The following NTM variants were observed in gnomAD, a reference collection of about 807,000 sequenced individuals.
NTM encodes IgLON family member 2.
In NTM, 13 loss-of-function variants were observed where a neutral mutation model predicts 42.1. That is an observed-to-expected ratio of 0.31 (90% CI 0.20 to 0.49). The LOEUF is 0.49. Among genes scored for constraint, NTM ranks in the 20% least tolerant of loss-of-function variants. The pLI, the probability that NTM is intolerant of heterozygous loss-of-function variation, is 0.99. For synonymous variants in NTM, 187 were observed against 179.2 expected (o/e 1.04, Z -0.35); for missense variants, 373 against 452.8 (o/e 0.82, Z 1.60).
chr11:131,916,907 C>G (rs1237061207), intron 2 of NTM, among the ~76,000 whole-genome samples: 1 of 152,206 alleles, frequency 6.6e-6, no homozygotes, highest in Non-Finnish European at 1.5e-5. Flanking sequence ...ACACCCCTAC[C>G]CTGATCTTCC....
chr11:132,169,545 C>A (rs900892133), intron 3 of NTM, among the ~76,000 whole-genome samples: 2 of 151,462 alleles, frequency 1.3e-5, no homozygotes, highest in African/African-American at 4.9e-5. Flanking sequence ...CTGTGTTAGC[C>A]AGGATGGTCT....
chr11:131,401,838 A>ATGTG (rs1180972801), intron 1 of NTM, among the ~76,000 whole-genome samples: 1 of 93,048 alleles, frequency 1.1e-5, no homozygotes, highest in Non-Finnish European at 2.3e-5. Flanking sequence ...ATATATATAT[A>ATGTG]TATATATATA....
rs11222673 is a variant in NTM at position 131,501,248 on chromosome 11, T to C, written c.82+130360T>C. 3.2e-3 allele frequency among the ~76,000 whole-genome samples: 486 copies of C among 151,510 alleles called. 9 individuals carry two copies. Among genetic ancestry groups the C allele is most frequent in the East Asian group, 0.031 (161 of 5,118 alleles). On this transcript the variant is annotated intron_variant, in intron 1 of 8. Coordinates refer to ENST00000683400, the MANE Select transcript of NTM (RefSeq NM_001352005.2). The stretch of plus-strand genomic sequence containing the variant: ...ATCCTGTCTGTCAAAGAGTGGTGAG[T>C]GTTGTGAAGAATGTAAAGGCAGGAG...
chr11:131,807,262 A>T (rs1345773833), intron 1 of NTM, among the ~76,000 whole-genome samples: 1 of 152,204 alleles, frequency 6.6e-6, no homozygotes, highest in Non-Finnish European at 1.5e-5. Context: ...TTTGATAGGG[A>T]ATGGGAGCTT....
At chr11:132,197,648 CT>C (rs2080469612) in intron 3 of NTM, among the ~76,000 whole-genome samples, 1 of 111,590 alleles carries the variant, frequency 9.0e-6, no homozygotes, top group Non-Finnish European at 1.7e-5. Context: ...TCCCTCCCCC[CT>C]CCCCCCACCC....
At chr11:132,125,589 G>T (rs2065607853) in intron 2 of NTM, among the ~76,000 whole-genome samples, 2 of 140,366 alleles carry the variant, frequency 1.4e-5, no homozygotes, top group Admixed American at 7.1e-5. Flanking sequence ...TATGTGGTGT[G>T]TAGTGTGTGG....
chr11:132,088,910 ATTT>A (rs34458278), intron 2 of NTM, among the ~76,000 whole-genome samples: 2 of 150,180 alleles, frequency 1.3e-5, no homozygotes, highest in African/African-American at 4.9e-5. Flanking sequence ...CCCTTTAAAG[ATTT>A]TTTTTTTTTA....
At chr11:132,030,211 C>T (rs374168515) in intron 2 of NTM, among the ~76,000 whole-genome samples, 1 of 152,114 alleles carries the variant, frequency 6.6e-6, no homozygotes, top group African/African-American at 2.4e-5. Flanking sequence ...TACCCCTCTC[C>T]TCAAACACTC....
chr11:131,526,186 ACAGT>A (rs369338335), intron 1 of NTM, among the ~76,000 whole-genome samples: 6 of 152,358 alleles, frequency 3.9e-5, no homozygotes, highest in African/African-American at 1.4e-4. Flanking sequence ...CATAAATGAC[ACAGT>A]CAGAATATGA....
intron 2 of NTM, among the ~76,000 whole-genome samples, chr11:132,096,260 G>A (rs1369460990): frequency 2.0e-5 from 3 of 152,192 alleles, no homozygotes; most frequent in African/African-American, 7.2e-5. Flanking sequence ...GAGTAACAGA[G>A]TGTGTTGTAA....
chr11:132,051,363 G>A (rs1019506503), intron 2 of NTM, among the ~76,000 whole-genome samples: 2 of 152,164 alleles, frequency 1.3e-5, no homozygotes, highest in Non-Finnish European at 2.9e-5. Context: ...ACTACTCTGT[G>A]TTAAAGTCAG....
intron 2 of NTM, among the ~76,000 whole-genome samples, chr11:132,122,595 G>T (rs2065028741): frequency 6.6e-6 from 1 of 152,142 alleles, no homozygotes; most frequent in Admixed American, 6.5e-5. Flanking sequence ...GATAAAAGTG[G>T]TGCCTTTGGT....
intron 1 of NTM, among the ~76,000 whole-genome samples, chr11:131,775,063 C>T (rs1221055804): frequency 6.6e-6 from 1 of 152,206 alleles, no homozygotes; most frequent in African/African-American, 2.4e-5. Flanking sequence ...ATGACCATTG[C>T]TTCTATTCAA....
intron 1 of NTM, among the ~76,000 whole-genome samples, chr11:131,718,657 A>T (rs2077984105): frequency 6.6e-6 from 1 of 152,068 alleles, no homozygotes; most frequent in Non-Finnish European, 1.5e-5. Context: ...CCTCTGCTGG[A>T]TGCTCAAGGG....
At chr11:132,025,603 CG>C in intron 2 of NTM, among the ~76,000 whole-genome samples, 1 of 152,208 alleles carries the variant, frequency 6.6e-6, no homozygotes, top group African/African-American at 2.4e-5. Flanking sequence ...TGTCCTAGAC[CG>C]GCAGTTCTCA....
Position 131,976,109 on chromosome 11 carries a change from C to T in NTM, c.167+64461C>T, listed in dbSNP as rs1351668719. Among the ~76,000 whole-genome samples the T allele has an allele frequency of 2.9e-5, 3 of 101,740 alleles. No individual in the cohort carries two copies. In the Admixed American group the frequency reaches 3.1e-4, roughly 10 times the overall value. The allele number at this position is 101,740 out of a possible 152,430, so 66.7% of individuals were successfully genotyped here. ...CTTCCTTCCCTCCTTCCCTCCCTCCCTCCCTCATTCCTTCCTTCCTTCCTT... is the reference window on the plus strand; with the variant it reads ...CTTCCTTCCCTCCTTCCCTCCCTCCTTCCCTCATTCCTTCCTTCCTTCCTT... On this transcript the variant is annotated intron_variant, in intron 2 of 8. Coordinates refer to ENST00000683400, the MANE Select transcript of NTM (RefSeq NM_001352005.2).
At chr11:132,319,564 C>T (rs1386894000) in intron 7 of NTM, among the ~76,000 whole-genome samples, 1 of 152,194 alleles carries the variant, frequency 6.6e-6, no homozygotes, top group South Asian at 2.1e-4. Flanking sequence ...AGCAGCAAGG[C>T]TGGGGGAGGG....
At chr11:132,127,065 T>C (rs2065958266) in intron 2 of NTM, among the ~76,000 whole-genome samples, 1 of 152,192 alleles carries the variant, frequency 6.6e-6, no homozygotes. Flanking sequence ...GCCTTTGCTT[T>C]TCTGGTGCGT....
At chr11:131,758,267 C>G (rs147491589) in intron 1 of NTM, among the ~76,000 whole-genome samples, 2 of 151,988 alleles carry the variant, frequency 1.3e-5, no homozygotes, top group African/African-American at 4.8e-5. Flanking sequence ...CCCCCTCCCC[C>G]CCGCCAACCC....
Sources: allele counts gnomAD v4.1 joint callset (sites outside exome capture counted in the v4.1 genomes callset), GRCh38; gene constraint gnomAD v4.1.1; transcripts MANE v1.5; gene names NCBI Gene and HGNC (gene_info 2026-07-23, HGNC 2026-07-21).